The following NEK11 variants were observed in gnomAD, a reference collection of about 807,000 sequenced individuals.
The protein encoded by NEK11 is NIMA related kinase 11, also known as serine/threonine-protein kinase Nek11.
NEK11 carries 72 observed loss-of-function variants against 80.7 expected under a neutral mutation model. The observed-to-expected ratio is 0.89, with a 90% CI of 0.74 to 1.08. The LOEUF (loss-of-function observed/expected upper bound fraction) is 1.08. Ranked by LOEUF, NEK11 falls within the 50% of genes least tolerant of loss-of-function variation. The pLI, the probability that NEK11 is intolerant of heterozygous loss-of-function variation, is 0.00. For missense variants in NEK11, 764 were observed against 763.6 expected, an observed-to-expected ratio of 1.00 and a Z score of -0.01; for synonymous variants, 251 against 260.7, an observed-to-expected ratio of 0.96 and a Z score of 0.36.
chr3:131,125,309 G>A (rs2083123728), intron 5 of NEK11, among the ~76,000 whole-genome samples: 1 of 152,054 alleles, frequency 6.6e-6, no homozygotes, highest in South Asian at 2.1e-4. Context: ...GGATGGTTGA[G>A]GCCTGAACAC....
intron 17 of NEK11, among the ~76,000 whole-genome samples, chr3:131,331,636 G>A (rs956534030): frequency 2.0e-4 from 31 of 152,222 alleles, no homozygotes; most frequent in African/African-American, 5.5e-4. Flanking sequence ...CGCACCGTGC[G>A]TGAGCCGAAG....
At chr3:131,219,917 G>A (rs774551721) in intron 14 of NEK11, among the ~76,000 whole-genome samples, 17 of 152,154 alleles carry the variant, frequency 1.1e-4, no homozygotes, top group South Asian at 2.1e-4. Flanking sequence ...TGAGAACACC[G>A]TGACCCAGAG....
intron 14 of NEK11, among the ~76,000 whole-genome samples, chr3:131,201,604 G>T (rs545209382): frequency 9.9e-5 from 15 of 152,262 alleles, no homozygotes; most frequent in African/African-American, 3.4e-4. Context: ...ACTTTGCAAA[G>T]TTATGTGTTC....
At chr3:131,035,745 T>A (rs531734568) in intron 3 of NEK11, among the ~76,000 whole-genome samples, 5 of 152,304 alleles carry the variant, frequency 3.3e-5, no homozygotes, top group Non-Finnish European at 7.4e-5. Flanking sequence ...GCTGTATATC[T>A]AATGAGAAGT....
intron 16 of NEK11, among the ~76,000 whole-genome samples, chr3:131,272,458 A>AGCT (rs1263236929): frequency 1.9e-3 from 119 of 61,066 alleles, no homozygotes; most frequent in African/African-American, 6.6e-3. Context: ...GGCCAGTTTT[A>AGCT]GCTTCTTTTT....
intron 3 of NEK11, among the ~76,000 whole-genome samples, chr3:131,063,471 T>C (rs1257895078): frequency 6.6e-6 from 1 of 152,182 alleles, no homozygotes; most frequent in Non-Finnish European, 1.5e-5. Flanking sequence ...GGAGGGCAAC[T>C]GTCCTTTTTC....
intron 5 of NEK11, among the ~76,000 whole-genome samples, chr3:131,111,856 C>G (rs780069393): frequency 4.6e-5 from 7 of 152,084 alleles, no homozygotes; most frequent in Non-Finnish European, 8.8e-5. Flanking sequence ...ATGTTAAGCT[C>G]TATGTAATGT....
At position 131,108,827 on chromosome 3, in the gene NEK11, G is replaced by A. The variant is rs149755938; in HGVS notation, c.337-976G>A. 1.6e-3 allele frequency among the ~76,000 whole-genome samples: 238 copies of A among 152,120 alleles called. 3 individuals carry two copies. In the South Asian group the frequency reaches 0.027, roughly 17 times the overall value. ...TAGGGTTTTGCTATAGCTACGTAGA[G>A]GAAAGGAGAATTCAGTCATCCCAAT... On this transcript the variant is annotated intron_variant, in intron 4 of 17. Transcript: ENST00000383366.
intron 16 of NEK11, among the ~76,000 whole-genome samples, chr3:131,268,659 G>A (rs1236767244): frequency 2.6e-5 from 4 of 152,174 alleles, no homozygotes; most frequent in African/African-American, 7.2e-5. Context: ...TCCCAGAAGG[G>A]CACCCACCAG....
At chr3:131,252,690 C>G (rs904464897) in intron 16 of NEK11, among the ~76,000 whole-genome samples, 5 of 152,090 alleles carry the variant, frequency 3.3e-5, no homozygotes, top group Non-Finnish European at 7.4e-5. Flanking sequence ...GGGCATGCAT[C>G]TGAATTACCT....
At chr3:131,149,912 C>G (rs2089285846) in intron 7 of NEK11, among the ~76,000 whole-genome samples, 1 of 151,786 alleles carries the variant, frequency 6.6e-6, no homozygotes, top group African/African-American at 2.4e-5. Flanking sequence ...TTTAACTTCT[C>G]AAATTGACTT....
chr3:131,141,214 A>G (rs966645822), intron 7 of NEK11, among the ~76,000 whole-genome samples: 6 of 152,162 alleles, frequency 3.9e-5, no homozygotes, highest in Non-Finnish European at 7.3e-5. Context: ...CAAAGGAATG[A>G]TAAACATATA....
intron 17 of NEK11, chr3:131,325,559 A>G (rs1389338239): frequency 6.6e-6 from 1 of 152,178 alleles, no homozygotes. Flanking sequence ...ATTATACTTT[A>G]TATCTTTTCA....
intron 3 of NEK11, chr3:131,072,398 T>C (rs1399614220): frequency 6.6e-6 from 1 of 152,092 alleles, no homozygotes; most frequent in Middle Eastern, 3.2e-3. Context: ...CCAGACCAAT[T>C]ATGATTCACC....
At chr3:131,231,473 T>G (rs934798005) in intron 15 of NEK11, among the ~76,000 whole-genome samples, 10 of 147,942 alleles carry the variant, frequency 6.8e-5, no homozygotes, top group Admixed American at 5.3e-4. Context: ...CCATTCTAGG[T>G]CAATATACAT....
intron 5 of NEK11, among the ~76,000 whole-genome samples, chr3:131,119,306 C>G (rs1231409358): frequency 2.0e-5 from 3 of 152,142 alleles, no homozygotes; most frequent in Non-Finnish European, 4.4e-5. Flanking sequence ...ATCCTGAGTT[C>G]TAGTTTGATT....
At chr3:131,135,257 G>A (rs550018853) in intron 7 of NEK11, among the ~76,000 whole-genome samples, 1 of 152,014 alleles carries the variant, frequency 6.6e-6, no homozygotes, top group Non-Finnish European at 1.5e-5. Context: ...ATTCAGTCTT[G>A]CAATTGTTCA....
chr3:131,200,432 C>A (rs754186729), intron 14 of NEK11, among the ~76,000 whole-genome samples: 1 of 152,178 alleles, frequency 6.6e-6, no homozygotes, highest in Non-Finnish European at 1.5e-5. Context: ...CTCTTGGCAT[C>A]TTCTAATAAA....
At chr3:131,238,634 G>T (rs1316790502) in intron 15 of NEK11, among the ~76,000 whole-genome samples, 2 of 152,134 alleles carry the variant, frequency 1.3e-5, no homozygotes, top group Non-Finnish European at 2.9e-5. Flanking sequence ...CTGGAGGATG[G>T]AAAGGAGCCA....
Sources: gnomAD v4.1 joint callset for allele counts (sites outside exome capture counted in the v4.1 genomes callset) on GRCh38, gnomAD v4.1.1 for gene constraint, MANE v1.5 for transcripts, NCBI Gene and HGNC (gene_info 2026-07-23, HGNC 2026-07-21) for gene names.